FRK: variants seen among roughly 807,000 people sequenced by gnomAD.
FRK encodes the protein tyrosine-protein kinase FRK.
A neutral mutation model predicts 56.4 loss-of-function variants in FRK; 51 were observed. That is an observed-to-expected ratio of 0.90 (90% CI 0.72 to 1.14). The LOEUF (loss-of-function observed/expected upper bound fraction) is 1.14. Ranked by LOEUF, FRK falls within the 50% of genes most tolerant of loss-of-function variation. The pLI is 0.00. For synonymous variants in FRK, 245 were observed against 217.9 expected (o/e 1.12, Z -1.10); for missense variants, 570 against 601.4 (o/e 0.95, Z 0.55).
intron 1 of FRK, among the ~76,000 whole-genome samples, chr6:116,005,119 A>T (rs906497349): frequency 1.3e-5 from 2 of 152,202 alleles, no homozygotes; most frequent in African/African-American, 4.8e-5. Context: ...GGAATTGAAA[A>T]GAGAGACATT....
rs999912950 is a variant in FRK at position 116,038,915 on chromosome 6, G to A, written c.344+21053C>T. 14 of 620,724 alleles carry A rather than the reference G, an allele frequency of 2.3e-5. No homozygotes were observed. In the African/African-American group the frequency reaches 2.4e-4, roughly 10 times the overall value. 38.5% of individuals were successfully genotyped at this position (620,724 alleles called of 1,614,324 possible). On this transcript the variant is annotated intron_variant, in intron 1 of 7. Transcript: ENST00000606080. ...TGCCTATACCGACTTTGCCCCAGAA[G>A]CTAGAGCCCAAGATTGCTGTGGCTG...
At chr6:116,096,544 A>G in the FRK span, among the ~76,000 whole-genome samples, 1 of 152,070 alleles carries the variant, frequency 6.6e-6, no homozygotes, top group African/African-American at 2.4e-5. Flanking sequence ...GTGTCTACCT[A>G]AAGGATTGTA....
At chr6:116,046,756 T>C (rs1776979506) in intron 1 of FRK, among the ~76,000 whole-genome samples, 1 of 152,058 alleles carries the variant, frequency 6.6e-6, no homozygotes, top group East Asian at 1.9e-4. Flanking sequence ...ATTCTGCACA[T>C]GTATCCCAGA....
the FRK span, among the ~76,000 whole-genome samples, chr6:116,097,042 G>T: frequency 5.9e-5 from 9 of 152,036 alleles, no homozygotes; most frequent in Non-Finnish European, 1.2e-4. Flanking sequence ...TTCTAAGTAG[G>T]CTTCTTCTTC....
chr6:116,000,518 C>T (rs774933246), intron 2 of FRK, among the ~76,000 whole-genome samples: 19 of 152,010 alleles, frequency 1.2e-4, no homozygotes, highest in Non-Finnish European at 2.1e-4. Flanking sequence ...GCTGGGATTA[C>T]TTACAGGCAT....
the FRK span, among the ~76,000 whole-genome samples, chr6:116,082,420 G>A: frequency 0.18 from 27,098 of 152,056 alleles, 2,881 homozygotes; most frequent in African/African-American, 0.29. Context: ...AGGAGGACCA[G>A]TTAGGGGCTA....
upstream of FRK, among the ~76,000 whole-genome samples, chr6:116,062,564 G>T (rs928489443): frequency 6.6e-6 from 1 of 151,954 alleles, no homozygotes; most frequent in East Asian, 1.9e-4. Context: ...TTGAATTGTC[G>T]GGGTTCTAAA....
At chr6:116,063,491 G>A (rs550713169), upstream of FRK, among the ~76,000 whole-genome samples, 3 of 151,576 alleles carry the variant, frequency 2.0e-5, 1 homozygote, top group South Asian at 6.2e-4. Flanking sequence ...CTTATATGTG[G>A]AAGCTAAAAA....
intron 1 of FRK, among the ~76,000 whole-genome samples, chr6:116,031,739 T>G (rs529006625): frequency 1.4e-4 from 22 of 152,246 alleles, no homozygotes; most frequent in African/African-American, 5.3e-4. Context: ...GTTAGGTTTC[T>G]TTCAATTTGT....
Position 115,989,916 on chromosome 6 carries a change from C to T in FRK, c.466+13961G>A, listed in dbSNP as rs143191154. On this transcript the variant is annotated intron_variant, in intron 2 of 7. Coordinates refer to ENST00000606080, the MANE Select transcript of FRK (RefSeq NM_002031.3). Reference sequence around the variant, plus strand: ...TACATTCCCACTACCAGTGCACAAGCATTCCCTTTTCTCCACATCCTCACC... The same window carrying T: ...TACATTCCCACTACCAGTGCACAAGTATTCCCTTTTCTCCACATCCTCACC... Among the ~76,000 whole-genome samples the T allele has an allele frequency of 1.2e-4, 18 of 151,964 alleles. No homozygotes were observed. In the East Asian group the frequency reaches 3.5e-3, roughly 29 times the overall value.
intron 2 of FRK, among the ~76,000 whole-genome samples, chr6:115,990,097 C>T (rs2114659356): frequency 6.6e-6 from 1 of 151,948 alleles, no homozygotes; most frequent in South Asian, 2.1e-4. Flanking sequence ...AATGTCTGTT[C>T]CTGTCCTCAA....
chr6:116,052,116 A>G (rs1393159716), intron 1 of FRK, among the ~76,000 whole-genome samples: 1 of 152,154 alleles, frequency 6.6e-6, no homozygotes, highest in East Asian at 1.9e-4. Flanking sequence ...TGAGATTTAC[A>G]GTCTGTTCCT....
At chr6:116,043,249 C>A (rs1404832083) in intron 1 of FRK, among the ~76,000 whole-genome samples, 1 of 152,174 alleles carries the variant, frequency 6.6e-6, no homozygotes, top group Non-Finnish European at 1.5e-5. Context: ...TAATAAACAT[C>A]TACACAACTC....
At chr6:116,059,336 G>C (rs1000811719) in intron 1 of FRK, among the ~76,000 whole-genome samples, 3 of 151,954 alleles carry the variant, frequency 2.0e-5, no homozygotes, top group South Asian at 2.1e-4. Context: ...TCTGTAGCTG[G>C]CCAGTTTCTA....
intron 1 of FRK, among the ~76,000 whole-genome samples, chr6:116,005,549 G>A (rs1775217494): frequency 6.6e-6 from 1 of 152,136 alleles, no homozygotes; most frequent in African/African-American, 2.4e-5. Flanking sequence ...TTTCCCAGAA[G>A]GTAGAAAATT....
At chr6:115,995,712 G>T (rs1165074652) in intron 2 of FRK, among the ~76,000 whole-genome samples, 2 of 152,100 alleles carry the variant, frequency 1.3e-5, no homozygotes, top group Non-Finnish European at 2.9e-5. Flanking sequence ...AGAGGAAAAG[G>T]TTCTTTGCCT....
rs367862096 is a variant in FRK, at chr6:115,990,490, C to T, written c.466+13387G>A. On this transcript the variant is annotated intron_variant, in intron 2 of 7. Coordinates refer to ENST00000606080, the MANE Select transcript of FRK (RefSeq NM_002031.3). The stretch of plus-strand genomic sequence containing the variant: ...GGGTCCAGTTTCATTCTTCTGCATA[C>T]GGCTACACAATTTTCCCAGCACAAT... Among the ~76,000 whole-genome samples, 25 of 151,670 alleles carry T rather than the reference C, an allele frequency of 1.6e-4. No individual in the cohort carries two copies. In the East Asian group the frequency reaches 2.3e-3, roughly 14 times the overall value.
chr6:116,003,394 C>T (rs765611089), intron 2 of FRK, among the ~76,000 whole-genome samples: 11 of 152,154 alleles, frequency 7.2e-5, no homozygotes, highest in African/African-American at 2.2e-4. Context: ...CGTACTTGAT[C>T]CTTAAGTGAA....
In FRK at chr6:115,935,808, C is replaced by T. The variant is rs1772033052; in HGVS notation, c.*6606G>A. Reference sequence around the variant, plus strand: ...GCCAGACTGCCTCTCTAGATTCCTCCTCTCTGGGCAGGGCAACTCTAAAAA... The same window carrying T: ...GCCAGACTGCCTCTCTAGATTCCTCTTCTCTGGGCAGGGCAACTCTAAAAA... On this transcript the variant is annotated 3_prime_UTR_variant, in exon 8 of 8. Transcript: ENST00000606080. 1 of 152,352 alleles carries T rather than the reference C, an allele frequency of 6.6e-6. No homozygotes were observed. Among genetic ancestry groups the T allele is most frequent in the Non-Finnish European group, 1.5e-5 (1 of 68,172 alleles). The allele number at this position is 152,352 out of a possible 1,614,324, so 9.4% of individuals were successfully genotyped here. A position where few individuals can be genotyped will look rare whatever the true frequency, so the allele number is the denominator to read the frequency against.
Sources: gnomAD v4.1 joint callset for allele counts (sites outside exome capture counted in the v4.1 genomes callset) on GRCh38, gnomAD v4.1.1 for gene constraint, MANE v1.5 for transcripts, NCBI Gene and HGNC (gene_info 2026-07-23, HGNC 2026-07-21) for gene names.